The following C2CD3 variants were observed in gnomAD, a reference collection of about 807,000 sequenced individuals.
The protein encoded by C2CD3 is C2 domain containing 3 centriole elongation regulator.
C2CD3 carries 148 observed loss-of-function variants against 234.0 expected under a neutral mutation model. The ratio of observed to expected loss-of-function variants is 0.63; its 90% CI spans 0.55 to 0.72. The LOEUF is 0.72. Ranked by LOEUF, C2CD3 falls within the 30% of genes least tolerant of loss-of-function variation. The probability of loss-of-function intolerance (pLI) is 0.00; values close to 1 mark genes in which losing one functional copy is unlikely to be tolerated. For synonymous variants in C2CD3, 1,000 were observed against 1,035.4 expected (o/e 0.97, Z 0.66); for missense variants, 2,577 against 2,811.5 (o/e 0.92, Z 1.89).
At chr11:74,141,548 T>C (rs907148307) in intron 3 of C2CD3, among the ~76,000 whole-genome samples, 3 of 152,208 alleles carry the variant, frequency 2.0e-5, no homozygotes, top group Non-Finnish European at 4.4e-5. Flanking sequence ...CTCATAGGCC[T>C]GTACTGCCAT....
At chr11:74,079,389 G>T (rs1448387167) in intron 22 of C2CD3, among the ~76,000 whole-genome samples, 2 of 151,904 alleles carry the variant, frequency 1.3e-5, no homozygotes, top group Non-Finnish European at 2.9e-5. Flanking sequence ...AAGGTTTGTG[G>T]GTTTGTTTGT....
At chr11:74,112,005 A>G (rs1463847273) in intron 11 of C2CD3, among the ~76,000 whole-genome samples, 3 of 151,926 alleles carry the variant, frequency 2.0e-5, no homozygotes, top group Non-Finnish European at 4.4e-5. Flanking sequence ...CTATCTATCT[A>G]TAATGGCTTA....
At chr11:74,053,382 T>C (rs1186037855) in intron 26 of C2CD3, among the ~76,000 whole-genome samples, 1 of 152,214 alleles carries the variant, frequency 6.6e-6, no homozygotes, top group Admixed American at 6.5e-5. Flanking sequence ...TTAGCCTCAA[T>C]TTTATAGATA....
chr11:74,056,869 C>A (rs1364286753), intron 25 of C2CD3, among the ~76,000 whole-genome samples: 1 of 151,706 alleles, frequency 6.6e-6, no homozygotes, highest in Non-Finnish European at 1.5e-5. Context: ...CTGAGCTCTA[C>A]CAGCATCCCC....
At chr11:74,109,380 C>T (rs1376261122) in intron 11 of C2CD3, 6 of 420,516 alleles carry the variant, frequency 1.4e-5, no homozygotes, top group Non-Finnish European at 2.5e-5. Context: ...TATGTTGCTC[C>T]GCTTTGCCAT....
chr11:74,082,945 A>G (rs998861277), intron 22 of C2CD3, among the ~76,000 whole-genome samples: 2 of 152,218 alleles, frequency 1.3e-5, no homozygotes, highest in African/African-American at 4.8e-5. Flanking sequence ...AAACTACTTT[A>G]AAGTTCATAT....
chr11:74,042,242 AGTAGGAGC>A, intron 28 of C2CD3, 24 bp from the exon 29 acceptor site: 1 of 1,487,380 alleles, frequency 6.7e-7, no homozygotes. Context: ...AAAAAAAAAA[AGTAGGAGC>A]AAAATAAATT....
At chr11:74,155,611 CATT>C (rs1565352966) in intron 3 of C2CD3, among the ~76,000 whole-genome samples, 1 of 151,902 alleles carries the variant, frequency 6.6e-6, no homozygotes. Context: ...AACTTAGAAA[CATT>C]ATGTTAAATG....
chr11:74,046,374 C>T (rs1953374049), intron 28 of C2CD3, among the ~76,000 whole-genome samples: 1 of 152,180 alleles, frequency 6.6e-6, no homozygotes, highest in African/African-American at 2.4e-5. Context: ...GACAGGTTCT[C>T]ACTCTGTCAC....
intron 3 of C2CD3, among the ~76,000 whole-genome samples, chr11:74,155,796 C>T (rs999019701): frequency 3.3e-5 from 5 of 152,020 alleles, no homozygotes; most frequent in Non-Finnish European, 5.9e-5. Context: ...GAAAAATGTT[C>T]TAGATTTAAT....
At chr11:74,116,782 A>G (rs939330960) in intron 9 of C2CD3, among the ~76,000 whole-genome samples, 25 of 147,038 alleles carry the variant, frequency 1.7e-4, no homozygotes, top group African/African-American at 5.7e-4. Context: ...ATATGTGTGT[A>G]TATATATACA....
At chr11:74,066,100 T>C (rs1461579278) in intron 24 of C2CD3, among the ~76,000 whole-genome samples, 2 of 148,822 alleles carry the variant, frequency 1.3e-5, no homozygotes, top group Non-Finnish European at 3.0e-5. Context: ...AGATACACCA[T>C]GGAATACTAT....
At chr11:74,048,111 T>C in intron 28 of C2CD3, 94 bp downstream of exon 28, 2 of 1,358,550 alleles carry the variant, frequency 1.5e-6, no homozygotes, top group South Asian at 1.4e-5. Context: ...TGTCTTGTTT[T>C]TTCCTCTAAT....
intron 12 of C2CD3, 52 bp downstream of exon 12, chr11:74,108,982 C>T: frequency 1.1e-6 from 1 of 875,794 alleles, no homozygotes; most frequent in South Asian, 1.4e-5. Flanking sequence ...TTTAGGTATC[C>T]TCCAAATCCC....
At chr11:74,112,269 T>C (rs1258127923) in intron 11 of C2CD3, among the ~76,000 whole-genome samples, 2 of 152,150 alleles carry the variant, frequency 1.3e-5, no homozygotes, top group African/African-American at 4.8e-5. Flanking sequence ...TATTCATAGA[T>C]CAAACTGGAG....
At chr11:74,085,220 T>G (rs1184971662) in intron 21 of C2CD3, among the ~76,000 whole-genome samples, 1 of 151,032 alleles carries the variant, frequency 6.6e-6, no homozygotes, top group African/African-American at 2.4e-5. Flanking sequence ...TCACTGCACC[T>G]TGAACTCTTG....
At chr11:74,047,560 T>C (rs1421904779) in intron 28 of C2CD3, among the ~76,000 whole-genome samples, 1 of 152,216 alleles carries the variant, frequency 6.6e-6, no homozygotes, top group East Asian at 1.9e-4. Flanking sequence ...CTTAGAATGT[T>C]ACATGATATT....
At chr11:74,015,176 G>A (rs1444398035) in intron 32 of C2CD3, among the ~76,000 whole-genome samples, 1 of 152,234 alleles carries the variant, frequency 6.6e-6, no homozygotes, top group African/African-American at 2.4e-5. Flanking sequence ...CACGGCCTGG[G>A]TCTGAGGCTT....
At chr11:74,145,911 C>T (rs1376701079) in intron 3 of C2CD3, among the ~76,000 whole-genome samples, 1 of 152,164 alleles carries the variant, frequency 6.6e-6, no homozygotes, top group Non-Finnish European at 1.5e-5. Flanking sequence ...GCAATTCTTG[C>T]TTCCCAAATA....
Sources: allele counts gnomAD v4.1 joint callset (sites outside exome capture counted in the v4.1 genomes callset), GRCh38; gene constraint gnomAD v4.1.1; transcripts MANE v1.5; gene names NCBI Gene and HGNC (gene_info 2026-07-23, HGNC 2026-07-21).